Variants in ADCY2 observed in about 807,000 individuals in gnomAD.
ADCY2 encodes adenylate cyclase type 2.
A neutral mutation model predicts 125.2 loss-of-function variants in ADCY2; 31 were observed. The ratio of observed to expected loss-of-function variants is 0.25; its 90% confidence interval spans 0.19 to 0.33. ADCY2 has a LOEUF of 0.33. Ranked by LOEUF, ADCY2 falls within the 10% of genes least tolerant of loss-of-function variation. ADCY2 has a pLI of 1.00. For synonymous variants in ADCY2, 512 were observed against 548.4 expected (o/e 0.93, Z 0.93); for missense variants, 904 against 1,418.2 (o/e 0.64, Z 5.82).
At chr5:7,817,085 T>A in intron 23 of ADCY2, 105 bp downstream of exon 23, 1 of 801,826 alleles carries the variant, frequency 1.2e-6, no homozygotes, top group Non-Finnish European at 2.1e-6. Flanking sequence ...GTAGAACAAT[T>A]ACAAATGCAT....
chr5:7,630,832 G>T (rs1738288478), intron 4 of ADCY2, among the ~76,000 whole-genome samples: 1 of 148,984 alleles, frequency 6.7e-6, no homozygotes, highest in Non-Finnish European at 1.5e-5. Flanking sequence ...TGTCACCCAG[G>T]CTGGAGTGCA....
intron 19 of ADCY2, among the ~76,000 whole-genome samples, chr5:7,785,356 T>C (rs1744049187): frequency 6.6e-6 from 1 of 152,186 alleles, no homozygotes; most frequent in Non-Finnish European, 1.5e-5. Context: ...AACTGTCCTC[T>C]AGCTTCCCAA....
Position 7,802,350 on chromosome 5 carries a change from G to A in ADCY2, c.2761G>A (p.Ala921Thr). The change falls in exon 21 of 25, where the codon GCT becomes ACT. Residue 921 changes from alanine (A) to threonine (T), a missense_variant. This residue lies in a region of ADCY2 where 181 missense variants were observed against 381.6 expected (regional missense o/e 0.47). Transcript: ENST00000338316. This position sits in a 1 kb window ranked among gnomAD's most constrained non-coding sequence, Gnocchi z 4.6. ...ECLRLLNEII[A>T]DFDDLLSKPK... ...CCTTCGGCTCCTGAACGAGATCATCGCTGACTTTGATGATGTAGGTACTGA... is the reference window on the plus strand; with the variant it reads ...CCTTCGGCTCCTGAACGAGATCATCACTGACTTTGATGATGTAGGTACTGA... The A allele has an allele frequency of 1.9e-6, 3 of 1,614,022 alleles. No homozygotes were observed. The highest frequency in any genetic ancestry group is 2.5e-6 in the Non-Finnish European group (3 of 1,179,942).
intron 2 of ADCY2, among the ~76,000 whole-genome samples, chr5:7,472,398 C>T (rs1003635549): frequency 6.6e-6 from 1 of 151,964 alleles, no homozygotes; most frequent in Non-Finnish European, 1.5e-5. Context: ...TGAAATTATC[C>T]ATATGTTTAT....
intron 1 of ADCY2, among the ~76,000 whole-genome samples, chr5:7,413,209 C>G (rs1298933563): frequency 1.3e-5 from 2 of 152,186 alleles, no homozygotes; most frequent in Non-Finnish European, 2.9e-5. Flanking sequence ...TGGAATGAAC[C>G]TTGTGCCCAC....
chr5:7,412,152 A>AAGACT (rs1739748618), intron 1 of ADCY2, among the ~76,000 whole-genome samples: 2 of 151,666 alleles, frequency 1.3e-5, no homozygotes, highest in Non-Finnish European at 2.9e-5. Context: ...GGACTATATC[A>AAGACT]GCATCTTCTT....
chr5:7,461,383 T>C (rs1231376944), intron 2 of ADCY2, among the ~76,000 whole-genome samples: 1 of 152,264 alleles, frequency 6.6e-6, no homozygotes, highest in Non-Finnish European at 1.5e-5. Context: ...AGTTTGTCTT[T>C]AGAGAACATT....
chr5:7,664,885 C>G (rs1167222452), intron 4 of ADCY2, among the ~76,000 whole-genome samples: 2 of 152,156 alleles, frequency 1.3e-5, no homozygotes, highest in African/African-American at 2.4e-5. Context: ...TTTACCTTAA[C>G]CTCAACATTC....
intron 20 of ADCY2, chr5:7,800,426 G>T (rs1338668060): frequency 6.6e-6 from 1 of 152,244 alleles, no homozygotes; most frequent in Non-Finnish European, 1.5e-5. Flanking sequence ...CACTTTGGGA[G>T]GCCAAGGCGG....
intron 7 of ADCY2, among the ~76,000 whole-genome samples, chr5:7,704,552 A>G (rs1741198964): frequency 6.6e-6 from 1 of 152,190 alleles, no homozygotes; most frequent in African/African-American, 2.4e-5. Flanking sequence ...GTTTTTCTAT[A>G]GATCATGTAA....
At chr5:7,657,702 C>T (rs1176252783) in intron 4 of ADCY2, among the ~76,000 whole-genome samples, 2 of 152,182 alleles carry the variant, frequency 1.3e-5, no homozygotes, top group African/African-American at 4.8e-5. Flanking sequence ...CACCTAAGTT[C>T]GCAAATCAAG....
intron 3 of ADCY2, among the ~76,000 whole-genome samples, chr5:7,586,762 C>G (rs150180600): frequency 4.0e-5 from 6 of 151,896 alleles, no homozygotes; most frequent in Non-Finnish European, 8.8e-5. Context: ...GATAGGTGAG[C>G]GTTGGGGAGT....
chr5:7,674,306 G>A (rs550311328), intron 4 of ADCY2, among the ~76,000 whole-genome samples: 1 of 152,312 alleles, frequency 6.6e-6, no homozygotes, highest in African/African-American at 2.4e-5. Context: ...TCGGTGTGGG[G>A]TGGGTGCAGT....
At chr5:7,478,021 C>A (rs2126467635) in intron 2 of ADCY2, among the ~76,000 whole-genome samples, 1 of 152,294 alleles carries the variant, frequency 6.6e-6, no homozygotes, top group Non-Finnish European at 1.5e-5. Context: ...GAAAGATTTT[C>A]TTGACTGACT....
In ADCY2 at chr5:7,538,845, TTTTTCTTTTC is replaced by T. The variant is rs201341482; in HGVS notation, c.570+17961_570+17970del. Among the ~76,000 whole-genome samples the T allele has an allele frequency of 8.7e-3, 1,242 of 142,724 alleles. 162 individuals are homozygous for T. The highest frequency in any genetic ancestry group is 0.011 in the Middle Eastern group (3 of 264). 93.6% of individuals were successfully genotyped at this position (142,724 alleles called of 152,430 possible). A position where few individuals can be genotyped will look rare whatever the true frequency, so the allele number is the denominator to read the frequency against. ...TTTGAATATAAATTTCTTTTTTCTT[TTTTTCTTTTC>T]TTTTCTTTTCTTTTTTTTTTTTTTT... On this transcript the variant is annotated intron_variant, in intron 3 of 24. Coordinates refer to ENST00000338316, the MANE Select transcript of ADCY2 (RefSeq NM_020546.3).
At chr5:7,781,603 C>G (rs749310071) in intron 18 of ADCY2, among the ~76,000 whole-genome samples, 1 of 152,224 alleles carries the variant, frequency 6.6e-6, no homozygotes, top group Admixed American at 6.5e-5. Context: ...TTCAGAAGGA[C>G]ATGGCCCTGA....
At chr5:7,530,287 G>A (rs1429526155) in intron 3 of ADCY2, among the ~76,000 whole-genome samples, 17 of 152,166 alleles carry the variant, frequency 1.1e-4, no homozygotes, top group Admixed American at 1.0e-3. Flanking sequence ...TTTAGAAATG[G>A]TGTAAAAATG....
At chr5:7,404,797 C>T (rs778104487) in intron 1 of ADCY2, among the ~76,000 whole-genome samples, 2 of 152,204 alleles carry the variant, frequency 1.3e-5, no homozygotes, top group Non-Finnish European at 2.9e-5. Context: ...TTGCCCCATG[C>T]ATCGGCTGGG....
intron 2 of ADCY2, among the ~76,000 whole-genome samples, chr5:7,429,393 A>T (rs761356949): frequency 1.3e-5 from 2 of 152,212 alleles, no homozygotes; most frequent in African/African-American, 4.8e-5. Flanking sequence ...AGGAGATTTG[A>T]AAAGTCCCAT....
Sources: allele counts gnomAD v4.1 joint callset (sites outside exome capture counted in the v4.1 genomes callset), GRCh38; gene constraint gnomAD v4.1.1; regional missense constraint gnomAD v4.1.1; non-coding constraint Gnocchi (gnomAD v3.1); transcripts MANE v1.5; gene names NCBI Gene and HGNC (gene_info 2026-07-23, HGNC 2026-07-21).